NCOA2: variants seen among roughly 807,000 people sequenced by gnomAD.
NCOA2 encodes nuclear receptor coactivator 2.
A neutral mutation model predicts 145.1 loss-of-function variants in NCOA2; 21 were observed. That is an observed-to-expected ratio of 0.14 (90% confidence interval 0.10 to 0.21). NCOA2 has a LOEUF of 0.21. NCOA2 is among the 10% of genes least tolerant of loss of function. The pLI is 1.00. For missense variants in NCOA2, 1,472 were observed against 1,837.6 expected, an observed-to-expected ratio of 0.80 and a Z score of 3.64; for synonymous variants, 619 against 637.5, an observed-to-expected ratio of 0.97 and a Z score of 0.44.
At chr8:70,166,534 A>C in intron 7 of NCOA2, 32 bp downstream of exon 7, 1 of 1,608,832 alleles carries the variant, frequency 6.2e-7, no homozygotes, top group Non-Finnish European at 8.5e-7. Context: ...AAATACACAG[A>C]CACACAGAAC....
chr8:70,269,578 C>A (rs1320888578), intron 2 of NCOA2, among the ~76,000 whole-genome samples: 1 of 152,088 alleles, frequency 6.6e-6, no homozygotes, highest in Non-Finnish European at 1.5e-5. Flanking sequence ...TTAGTATAGT[C>A]AAAACAATGA....
chr8:70,429,177 A>G, the NCOA2 span, among the ~76,000 whole-genome samples: 4 of 152,340 alleles, frequency 2.6e-5, no homozygotes, highest in South Asian at 8.3e-4. Context: ...CAGCAATACT[A>G]TAATAGGCCC....
At chr8:70,427,110 A>T in the NCOA2 span, among the ~76,000 whole-genome samples, 1 of 152,106 alleles carries the variant, frequency 6.6e-6, no homozygotes, top group African/African-American at 2.4e-5. Context: ...TTGTTTTTTT[A>T]AGCCAAGAAA....
chr8:70,440,127 A>G, the NCOA2 span, among the ~76,000 whole-genome samples: 1 of 152,146 alleles, frequency 6.6e-6, no homozygotes, highest in Non-Finnish European at 1.5e-5. Context: ...TCTACTAAAA[A>G]TACAAAAATT....
At chr8:70,418,149 G>T in the NCOA2 span, among the ~76,000 whole-genome samples, 3 of 152,124 alleles carry the variant, frequency 2.0e-5, no homozygotes, top group African/African-American at 7.2e-5. Context: ...GTGGGTATGG[G>T]AGAAAACAGC....
chr8:70,312,735 C>CT (rs549395867), intron 1 of NCOA2, among the ~76,000 whole-genome samples: 1 of 152,112 alleles, frequency 6.6e-6, no homozygotes, highest in Non-Finnish European at 1.5e-5. Flanking sequence ...GACAGTGTCC[C>CT]TTTTTTCATT....
At chr8:70,412,823 T>C in the NCOA2 span, among the ~76,000 whole-genome samples, 44 of 151,962 alleles carry the variant, frequency 2.9e-4, no homozygotes, top group Non-Finnish European at 5.7e-4. Flanking sequence ...GTGGGCCGGG[T>C]ACAGTGGCTC....
At chr8:70,230,159 GTC>G (rs1821011075) in intron 2 of NCOA2, among the ~76,000 whole-genome samples, 1 of 152,172 alleles carries the variant, frequency 6.6e-6, no homozygotes, top group Non-Finnish European at 1.5e-5. Flanking sequence ...CATGGTAGCG[GTC>G]TAAATGACGT....
intron 1 of NCOA2, among the ~76,000 whole-genome samples, chr8:70,361,470 CA>C (rs1244374989): frequency 7.0e-6 from 1 of 143,106 alleles, no homozygotes; most frequent in African/African-American, 2.6e-5. Context: ...AACTCCGTCT[CA>C]AAAAAGAAAA....
At chr8:70,119,466 G>A (rs561829170) in intron 22 of NCOA2, among the ~76,000 whole-genome samples, 1 of 152,154 alleles carries the variant, frequency 6.6e-6, no homozygotes, top group African/African-American at 2.4e-5. Context: ...TCCACTGATG[G>A]ACACACAGGT....
intron 5 of NCOA2, among the ~76,000 whole-genome samples, chr8:70,171,464 GTTTACC>G (rs1814247098): frequency 6.6e-6 from 1 of 152,108 alleles, no homozygotes; most frequent in Non-Finnish European, 1.5e-5. Flanking sequence ...TTCCCATCAT[GTTTACC>G]TTGGTGATGG....
intron 2 of NCOA2, among the ~76,000 whole-genome samples, chr8:70,261,686 G>A (rs1222721017): frequency 2.0e-5 from 3 of 151,906 alleles, no homozygotes; most frequent in Non-Finnish European, 4.4e-5. Context: ...CCAAAAAAGG[G>A]AATAATCACA....
At chr8:70,315,753 T>G (rs1172961595) in intron 1 of NCOA2, among the ~76,000 whole-genome samples, 1 of 152,188 alleles carries the variant, frequency 6.6e-6, no homozygotes, top group Non-Finnish European at 1.5e-5. Flanking sequence ...CTATAAGAAG[T>G]GATTTTGCAA....
At chr8:70,232,021 G>A (rs1025872002) in intron 2 of NCOA2, among the ~76,000 whole-genome samples, 2 of 152,108 alleles carry the variant, frequency 1.3e-5, no homozygotes, top group South Asian at 2.1e-4. Flanking sequence ...CAACTCCAAC[G>A]AAGTTCACCT....
chr8:70,170,571 T>C (rs564286117), intron 5 of NCOA2, among the ~76,000 whole-genome samples, 192 bp from the exon 6 acceptor site: 2 of 152,308 alleles, frequency 1.3e-5, no homozygotes, highest in Admixed American at 6.5e-5. Flanking sequence ...TTATTCCATC[T>C]TAGTAAGTGG....
chr8:70,351,596 T>G (rs1266151617), intron 1 of NCOA2, among the ~76,000 whole-genome samples: 1 of 143,436 alleles, frequency 7.0e-6, no homozygotes, highest in Non-Finnish European at 1.5e-5. Flanking sequence ...TTTTTTTCCT[T>G]TTTTTTTTTT....
the NCOA2 span, chr8:70,424,425 G>A: frequency 6.5e-6 from 3 of 464,970 alleles, no homozygotes; most frequent in South Asian, 3.4e-5. Flanking sequence ...CTCTTGGTGA[G>A]GTTAGTGTCT....
At chr8:70,440,757 AAG>A in the NCOA2 span, among the ~76,000 whole-genome samples, 3 of 151,642 alleles carry the variant, frequency 2.0e-5, no homozygotes, top group African/African-American at 7.2e-5. Flanking sequence ...GAAAGAGAGA[AAG>A]AGGAAAGAAA....
intron 15 of NCOA2, among the ~76,000 whole-genome samples, chr8:70,136,104 T>C (rs1344356360): frequency 2.6e-5 from 4 of 152,192 alleles, no homozygotes; most frequent in Non-Finnish European, 2.9e-5. Flanking sequence ...CTGGGCGCGG[T>C]GGCTCACACC....
Sources: gnomAD v4.1 joint callset for allele counts (sites outside exome capture counted in the v4.1 genomes callset) on GRCh38, gnomAD v4.1.1 for gene constraint, MANE v1.5 for transcripts, NCBI Gene and HGNC (gene_info 2026-07-23, HGNC 2026-07-21) for gene names.